Variants in TMEM87B observed in about 807,000 individuals in gnomAD.
TMEM87B encodes transmembrane protein 87B.
In TMEM87B, 83 loss-of-function variants were observed where a neutral mutation model predicts 80.3. That is an observed-to-expected ratio of 1.03 (90% confidence interval 0.87 to 1.24). The LOEUF (loss-of-function observed/expected upper bound fraction) is 1.24. Ranked by LOEUF, TMEM87B falls within the 50% of genes most tolerant of loss-of-function variation. The probability of loss-of-function intolerance (pLI) is 0.00; values close to 1 mark genes in which losing one functional copy is unlikely to be tolerated. For missense variants in TMEM87B, 625 were observed against 674.4 expected (o/e 0.93, Z 0.81); for synonymous variants, 219 against 230.5 (o/e 0.95, Z 0.45).
intron 6 of TMEM87B, among the ~76,000 whole-genome samples, chr2:112,079,977 T>G (rs937400296): frequency 4.4e-5 from 6 of 137,432 alleles, no homozygotes; most frequent in African/African-American, 1.6e-4. Context: ...TCACCCAGGC[T>G]GGAGTGCGGT....
intron 1 of TMEM87B, among the ~76,000 whole-genome samples, chr2:112,059,502 G>A (rs900891088): frequency 6.6e-6 from 1 of 152,146 alleles, no homozygotes; most frequent in Non-Finnish European, 1.5e-5. Context: ...TCTGGAACTG[G>A]AAAGTTGAGA....
intron 13 of TMEM87B, among the ~76,000 whole-genome samples, chr2:112,097,522 C>T (rs1364775809): frequency 2.0e-5 from 3 of 151,836 alleles, no homozygotes; most frequent in East Asian, 3.9e-4. Flanking sequence ...GTCAGGAGAT[C>T]GAGACCATCC....
chr2:112,111,803 C>A (rs1259257906), intron 17 of TMEM87B, among the ~76,000 whole-genome samples: 2 of 152,128 alleles, frequency 1.3e-5, no homozygotes, highest in African/African-American at 4.8e-5. Context: ...TGTGAATTTC[C>A]TCATCTTCGA....
intron 8 of TMEM87B, among the ~76,000 whole-genome samples, chr2:112,085,758 C>G (rs578250068): frequency 1.1e-4 from 16 of 152,138 alleles, no homozygotes; most frequent in African/African-American, 3.9e-4. Flanking sequence ...AGACAGTGTT[C>G]GGGCTGATAG....
At chr2:112,073,258 C>T (rs746645101) in intron 4 of TMEM87B, among the ~76,000 whole-genome samples, 2 of 152,152 alleles carry the variant, frequency 1.3e-5, no homozygotes, top group Non-Finnish European at 2.9e-5. Context: ...AAATTTCCCT[C>T]TTAATATTGC....
chr2:112,086,146 G>T lies in TMEM87B; in HGVS notation c.938+42G>T, dbSNP rs757753560. 3.3e-6 allele frequency: 5 copies of T among 1,498,142 alleles called. No individual in the cohort carries two copies. In the South Asian group the frequency reaches 5.7e-5, roughly 17 times the overall value. 92.8% of individuals were successfully genotyped at this position (1,498,142 alleles called of 1,614,324 possible). On this transcript the variant is annotated intron_variant, in intron 9 of 18. Coordinates refer to ENST00000283206, the MANE Select transcript of TMEM87B (RefSeq NM_032824.3). ...GGGAAAAATGCTGGGTCCCAGCCCA[G>T]TGATTCAGTCCGTCTACATTATGAC... is the stretch of plus-strand genomic sequence containing the variant.
chr2:112,087,162 G>A (rs1679171324), intron 9 of TMEM87B, among the ~76,000 whole-genome samples: 1 of 151,954 alleles, frequency 6.6e-6, no homozygotes, highest in Non-Finnish European at 1.5e-5. Context: ...AAAGACCCCT[G>A]CCTTTCTCTT....
At chr2:112,115,505 A>G (rs900056148) in intron 18 of TMEM87B, among the ~76,000 whole-genome samples, 7 of 152,240 alleles carry the variant, frequency 4.6e-5, no homozygotes, top group Admixed American at 2.6e-4. Context: ...TGTAGCATGT[A>G]GATTAAAAGT....
intron 10 of TMEM87B, 120 bp downstream of exon 10, chr2:112,089,838 T>A (rs914111902): frequency 4.6e-6 from 4 of 875,750 alleles, no homozygotes; most frequent in South Asian, 1.5e-5. Flanking sequence ...ATTTGAACTT[T>A]TCTTCTATGG....
chr2:112,064,375 T>A, intron 3 of TMEM87B, 122 bp downstream of exon 3: 1 of 817,784 alleles, frequency 1.2e-6, no homozygotes, highest in Non-Finnish European at 1.9e-6. Flanking sequence ...TGCTACAGAT[T>A]AATTTTGGGA....
intron 6 of TMEM87B, among the ~76,000 whole-genome samples, chr2:112,079,029 G>C (rs1461114226): frequency 3.9e-5 from 6 of 152,158 alleles, no homozygotes; most frequent in African/African-American, 4.8e-5. Flanking sequence ...GGGGTACAAA[G>C]TAATGTTATA....
chr2:112,089,066 A>G (rs939683385), intron 9 of TMEM87B, among the ~76,000 whole-genome samples: 41 of 152,204 alleles, frequency 2.7e-4, no homozygotes, highest in African/African-American at 9.9e-4. Flanking sequence ...TCGCCCAAAA[A>G]TGTTATTTTA....
chr2:112,067,472 G>T (rs998108843), intron 4 of TMEM87B, among the ~76,000 whole-genome samples: 1 of 152,094 alleles, frequency 6.6e-6, no homozygotes. Context: ...GGTGGCATGT[G>T]CCCGTAGTCC....
rs1018170831 is a variant in TMEM87B at position 112,117,150 on chromosome 2, CT to C, written c.*1011del. The C allele has an allele frequency of 1.6e-4, 25 of 152,188 alleles. No homozygotes were observed. Among genetic ancestry groups the C allele is most frequent in the African/African-American group, 6.0e-4 (25 of 41,530 alleles). 9.4% of individuals were successfully genotyped at this position (152,188 alleles called of 1,614,324 possible). A position where few individuals can be genotyped will look rare whatever the true frequency, so the allele number is the denominator to read the frequency against. On this transcript the variant is annotated 3_prime_UTR_variant, in exon 19 of 19. Coordinates refer to ENST00000283206, the MANE Select transcript of TMEM87B (RefSeq NM_032824.3). ...ATATTTGTAATGTGTAATATGAAAT[CT>C]TTTGCTTTAATGTCTTTTTTTAAAA...
intron 11 of TMEM87B, among the ~76,000 whole-genome samples, chr2:112,096,037 G>A (rs540414273): frequency 6.6e-6 from 1 of 150,420 alleles, no homozygotes; most frequent in South Asian, 2.1e-4. Context: ...CCCTATTTGT[G>A]TTCCGAGAAA....
chr2:112,098,984 C>T (rs1452828596), intron 14 of TMEM87B, among the ~76,000 whole-genome samples: 1 of 150,690 alleles, frequency 6.6e-6, no homozygotes, highest in Non-Finnish European at 1.5e-5. Context: ...AAAGAGTGTC[C>T]ATTTTCTGGG....
intron 14 of TMEM87B, among the ~76,000 whole-genome samples, chr2:112,099,711 A>G (rs1343403195): frequency 3.3e-5 from 5 of 150,714 alleles, no homozygotes; most frequent in African/African-American, 7.3e-5. Flanking sequence ...CCCTCTTTCT[A>G]CAAAAAAATA....
At chr2:112,084,466 G>A (rs1679087951) in intron 8 of TMEM87B, among the ~76,000 whole-genome samples, 1 of 152,168 alleles carries the variant, frequency 6.6e-6, no homozygotes, top group Non-Finnish European at 1.5e-5. Flanking sequence ...CCTTTGTGTG[G>A]CGGTCTCGCC....
At chr2:112,105,884 C>T (rs1679751351) in intron 15 of TMEM87B, 118 bp from the exon 16 acceptor site, 10 of 624,840 alleles carry the variant, frequency 1.6e-5, no homozygotes, top group Non-Finnish European at 2.4e-5. Context: ...CCTAAAGTTT[C>T]CATTATTAAC....
Sources: gnomAD v4.1 joint callset for allele counts (sites outside exome capture counted in the v4.1 genomes callset) on GRCh38, gnomAD v4.1.1 for gene constraint, MANE v1.5 for transcripts, NCBI Gene and HGNC (gene_info 2026-07-23, HGNC 2026-07-21) for gene names.